KCNN3: variants seen among roughly 807,000 people sequenced by gnomAD.
The protein encoded by KCNN3 is small conductance calcium-activated potassium channel protein 3.
KCNN3 carries 16 observed loss-of-function variants against 62.9 expected under a neutral mutation model. The ratio of observed to expected loss-of-function variants is 0.25; its 90% CI spans 0.17 to 0.39. The LOEUF is 0.39. Among genes scored for constraint, KCNN3 ranks in the 10% least tolerant of loss-of-function variants. KCNN3 has a pLI of 1.00. For synonymous variants in KCNN3, 370 were observed against 389.2 expected (o/e 0.95, Z 0.58); for missense variants, 599 against 949.4 (o/e 0.63, Z 4.85).
intron 3 of KCNN3, among the ~76,000 whole-genome samples, chr1:154,743,844 T>C (rs1414323125): frequency 6.6e-6 from 1 of 152,208 alleles, no homozygotes; most frequent in African/African-American, 2.4e-5. Flanking sequence ...GTTAGGTACG[T>C]TCAGTGCATT....
chr1:154,737,504 GT>G (rs1382069907), intron 3 of KCNN3, among the ~76,000 whole-genome samples: 17 of 152,230 alleles, frequency 1.1e-4, no homozygotes, highest in African/African-American at 3.9e-4. Flanking sequence ...ACAGTCAGGA[GT>G]CTCTAACATG....
intron 2 of KCNN3, among the ~76,000 whole-genome samples, chr1:154,775,584 A>T (rs1054483240): frequency 1.2e-3 from 2 of 1,704 alleles, no homozygotes; most frequent in African/African-American, 0.011. Flanking sequence ...CCACCCACCC[A>T]TGAGGATCCT....
chr1:154,869,389 G>A lies in KCNN3; in HGVS notation c.576C>T (p.Ser192=), dbSNP rs1432832525. ...CCTCGATGAGGTTCCTCCGGGAGGC[G>A]CTGAGGCGGCTGAGGGGCTTCATGA... is the stretch of plus-strand genomic sequence containing the variant. ...GGVMKPLSRL[S]ASRRNLIEAE... The change falls in exon 1 of 8, where the codon AGC becomes AGT. Residue 192 remains serine (S), a synonymous_variant. Coordinates refer to ENST00000271915, the MANE Select transcript of KCNN3 (RefSeq NM_002249.6). This position sits in a 1 kb window ranked among gnomAD's most constrained non-coding sequence, Gnocchi z 6.1. 3 of 1,614,020 alleles carry A rather than the reference G, an allele frequency of 1.9e-6. No individual in the cohort carries two copies. The highest frequency in any genetic ancestry group is 2.2e-5 in the East Asian group (1 of 44,864).
At chr1:154,764,965 T>G (rs1225564046) in intron 3 of KCNN3, among the ~76,000 whole-genome samples, 4 of 152,220 alleles carry the variant, frequency 2.6e-5, no homozygotes, top group African/African-American at 9.6e-5. Flanking sequence ...GTTGCCTCAT[T>G]CAAATGACAG....
At chr1:154,768,015 G>C (rs1648376398) in intron 3 of KCNN3, among the ~76,000 whole-genome samples, 1 of 152,186 alleles carries the variant, frequency 6.6e-6, no homozygotes, top group Non-Finnish European at 1.5e-5. Flanking sequence ...ATAAGTCCAG[G>C]CTGATGAAAG....
intron 3 of KCNN3, among the ~76,000 whole-genome samples, chr1:154,771,082 A>G (rs1355498998): frequency 2.7e-5 from 4 of 149,938 alleles, no homozygotes; most frequent in Admixed American, 1.3e-4. Flanking sequence ...TAAATAAATA[A>G]ATAAATAAAT....
At chr1:154,835,790 C>T (rs958390262) in intron 1 of KCNN3, among the ~76,000 whole-genome samples, 7 of 152,180 alleles carry the variant, frequency 4.6e-5, no homozygotes, top group South Asian at 2.1e-4. Flanking sequence ...TGCACAGTTT[C>T]CTATTTGATG....
chr1:154,725,241 T>C (rs1700436823), intron 5 of KCNN3, among the ~76,000 whole-genome samples: 1 of 152,224 alleles, frequency 6.6e-6, no homozygotes. Context: ...ATATTTTCAA[T>C]ATAGTTTTGC....
At chr1:154,727,356 G>A (rs1322962583) in intron 4 of KCNN3, among the ~76,000 whole-genome samples, 11 of 152,338 alleles carry the variant, frequency 7.2e-5, no homozygotes, top group African/African-American at 2.6e-4. Context: ...GTGAGAAGCA[G>A]AAAAGAATGT....
chr1:154,783,267 G>A (rs1571271715), intron 2 of KCNN3, among the ~76,000 whole-genome samples: 2 of 151,718 alleles, frequency 1.3e-5, no homozygotes, highest in East Asian at 3.9e-4. Flanking sequence ...CCCTTTAAAT[G>A]CTCATTCTCA....
intron 2 of KCNN3, among the ~76,000 whole-genome samples, chr1:154,819,667 T>C (rs892802821): frequency 6.6e-6 from 1 of 152,168 alleles, no homozygotes; most frequent in African/African-American, 2.4e-5. Context: ...AAGCCGGTTT[T>C]GGTGACTTTC....
rs1433386175 is a variant in KCNN3, at chr1:154,869,630, G to C, written c.335C>G (p.Pro112Arg). 1 of 1,613,434 alleles carries C rather than the reference G, an allele frequency of 6.2e-7. No homozygotes were observed. The highest frequency in any genetic ancestry group is 1.7e-5 in the Admixed American group (1 of 59,900). The change falls in exon 1 of 8, where the codon CCT (proline) becomes CGT (arginine). Residue 112 changes from proline to arginine, a missense_variant. By Grantham distance (103) the Pro-to-Arg change is moderately radical. Around this residue, in one of 7 missense-constraint regions of KCNN3, gnomAD observed 112 missense variants for 142.9 expected, o/e 0.78. Transcript: ENST00000271915. The surrounding 1 kb of genome is among the most constrained non-coding windows in gnomAD (Gnocchi z 6.1). Reference protein sequence around the residue: ...HSSPTAFRAPPSSNSTAILHP... With the variant: ...HSSPTAFRAPRSSNSTAILHP... The stretch of plus-strand genomic sequence containing the variant: ...GAGGATGGCGGTGGAGTTGGACGAA[G>C]GGGGGGCCCTGAAAGCGGTGGGAGA...
At chr1:154,855,983 C>G (rs568838613) in intron 1 of KCNN3, among the ~76,000 whole-genome samples, 2 of 152,314 alleles carry the variant, frequency 1.3e-5, no homozygotes, top group South Asian at 2.1e-4. Flanking sequence ...TGCCTCCTCC[C>G]GCTGCCACCC....
At chr1:154,803,605 T>C (rs1015562228) in intron 2 of KCNN3, among the ~76,000 whole-genome samples, 4 of 152,218 alleles carry the variant, frequency 2.6e-5, no homozygotes, top group Admixed American at 6.5e-5. Flanking sequence ...CGTGGCATAT[T>C]TTACAGTTAG....
chr1:154,836,118 T>G (rs1033668486), intron 1 of KCNN3, among the ~76,000 whole-genome samples: 1 of 152,158 alleles, frequency 6.6e-6, no homozygotes, highest in Non-Finnish European at 1.5e-5. Context: ...GGCCCTAATG[T>G]CAAGAAACTC....
chr1:154,830,058 T>C (rs967140794), intron 1 of KCNN3, among the ~76,000 whole-genome samples: 1 of 152,220 alleles, frequency 6.6e-6, no homozygotes, highest in African/African-American at 2.4e-5. Context: ...AGTCAATAAA[T>C]ATTAGTTGAA....
chr1:154,749,432 A>T (rs6662731), intron 3 of KCNN3, among the ~76,000 whole-genome samples: 10,747 of 152,282 alleles, frequency 0.071, 510 homozygotes, highest in African/African-American at 0.13. Context: ...TGTGGGAAGG[A>T]CGTGGGAATC....
chr1:154,783,563 CAT>C (rs1649149606), intron 2 of KCNN3, among the ~76,000 whole-genome samples: 1 of 152,220 alleles, frequency 6.6e-6, no homozygotes, highest in Admixed American at 6.5e-5. Context: ...TGCACCCCAG[CAT>C]GTTTGCTAAT....
chr1:154,775,427 C>A (rs1260246949), intron 2 of KCNN3, among the ~76,000 whole-genome samples: 2 of 152,194 alleles, frequency 1.3e-5, no homozygotes, highest in African/African-American at 4.8e-5. Flanking sequence ...CTCTTTCTCC[C>A]TGCTCCGTAC....
Sources: gnomAD v4.1 joint callset for allele counts (sites outside exome capture counted in the v4.1 genomes callset) on GRCh38, gnomAD v4.1.1 for gene constraint, gnomAD v4.1.1 regional missense constraint, Gnocchi (gnomAD v3.1) non-coding constraint, MANE v1.5 for transcripts, NCBI Gene and HGNC (gene_info 2026-07-23, HGNC 2026-07-21) for gene names.